Variants in GTPBP10 observed in about 807,000 individuals in gnomAD.
GTPBP10 encodes GTP binding protein 10.
A neutral mutation model predicts 44.8 loss-of-function variants in GTPBP10; 38 were observed. The ratio of observed to expected loss-of-function variants is 0.85; its 90% CI spans 0.65 to 1.11. GTPBP10 has a LOEUF of 1.11. Among genes scored for constraint, GTPBP10 ranks in the 50% most tolerant of loss-of-function variants. The pLI is 0.00. For missense variants in GTPBP10, 462 were observed against 453.7 expected (o/e 1.02, Z -0.17); for synonymous variants, 152 against 150.6 (o/e 1.01, Z -0.07).
intron 1 of GTPBP10, among the ~76,000 whole-genome samples, chr7:90,348,825 T>C (rs1426555689): frequency 6.6e-6 from 1 of 152,206 alleles, no homozygotes; most frequent in African/African-American, 2.4e-5. Flanking sequence ...GTCCATGTCA[T>C]AAAAGAAGTC....
intron 4 of GTPBP10, among the ~76,000 whole-genome samples, chr7:90,364,505 A>C (rs1562956809): frequency 1.3e-5 from 2 of 152,122 alleles, no homozygotes; most frequent in Admixed American, 6.5e-5. Context: ...GCTTCATCTC[A>C]GGGGTACCTG....
Position 90,354,468 on chromosome 7 carries a change from C to T in GTPBP10, c.238C>T (p.Leu80=). 1 of 1,566,590 alleles carries T rather than the reference C, an allele frequency of 6.4e-7. No homozygotes were observed. The highest frequency in any genetic ancestry group is 2.3e-5 in the East Asian group (1 of 43,500). ...CTTTTTTTTTGGTAGAATTAGTGCA[C>T]TGAAAGGCTCCAAAGGAAAAGACTG... The part of the protein sequence containing the change: ...GVGANSKISA[L]KGSKGKDCEI... The change falls in exon 3 of 10, where the codon CTG becomes TTG. Residue 80 remains leucine, a synonymous_variant. Transcript: ENST00000222511.
chr7:90,366,483 A>G lies in GTPBP10; in HGVS notation c.465-5672A>G, dbSNP rs4539554. On this transcript the variant is annotated intron_variant, in intron 4 of 9. Coordinates refer to ENST00000222511, the MANE Select transcript of GTPBP10 (RefSeq NM_033107.4). ...TGTTACTGGTCTATTCAGAGATTCA[A>G]ATTCTTCCTGTTTTAGTCTTGGGAG... Among the ~76,000 whole-genome samples, 1,236 of 152,218 alleles carry G rather than the reference A, an allele frequency of 8.1e-3. 16 individuals are homozygous for G. Among genetic ancestry groups the G allele is most frequent in the African/African-American group, 0.028 (1,182 of 41,536 alleles).
intron 4 of GTPBP10, among the ~76,000 whole-genome samples, chr7:90,370,650 AT>A (rs1331562782): frequency 2.6e-5 from 4 of 152,278 alleles, no homozygotes; most frequent in African/African-American, 9.6e-5. Flanking sequence ...TACACAATGT[AT>A]CCATGTAACA....
intron 8 of GTPBP10, 104 bp downstream of exon 8, chr7:90,378,315 G>A: frequency 7.6e-7 from 1 of 1,320,044 alleles, no homozygotes. Context: ...CACCTTTAAA[G>A]CTTTGATGTC....
At chr7:90,375,192 G>T (rs1796322153) in intron 6 of GTPBP10, among the ~76,000 whole-genome samples, 2 of 150,982 alleles carry the variant, frequency 1.3e-5, no homozygotes, top group Non-Finnish European at 2.9e-5. Context: ...AAGCTGTGGA[G>T]ACAGTAAAAA....
chr7:90,363,228 G>C (rs573086226), intron 4 of GTPBP10, among the ~76,000 whole-genome samples: 1 of 152,098 alleles, frequency 6.6e-6, no homozygotes, highest in Non-Finnish European at 1.5e-5. Flanking sequence ...TGTTCCTAGC[G>C]TTGGTGGTCT....
chr7:90,386,584 C>T lies in GTPBP10; in HGVS notation c.*1430C>T, dbSNP rs950335416. 1.3e-5 allele frequency: 2 copies of T among 152,048 alleles called. No homozygotes were observed. The highest frequency in any genetic ancestry group is 4.8e-5 in the African/African-American group (2 of 41,392). 9.4% of individuals were successfully genotyped at this position (152,048 alleles called of 1,614,324 possible). On this transcript the variant is annotated 3_prime_UTR_variant, in exon 10 of 10. Coordinates refer to ENST00000222511, the MANE Select transcript of GTPBP10 (RefSeq NM_033107.4). ...GTGGTGCAGGCCAGACATAGCGGTA[C>T]ATGCCTGTAATCCTAGCACTTTGGG...
intron 4 of GTPBP10, among the ~76,000 whole-genome samples, chr7:90,362,826 G>A (rs1027182992): frequency 5.3e-5 from 8 of 152,150 alleles, no homozygotes; most frequent in Admixed American, 2.0e-4. Context: ...CCTGTATTGT[G>A]TGCATATGTA....
intron 4 of GTPBP10, among the ~76,000 whole-genome samples, chr7:90,366,958 G>T (rs912473260): frequency 9.9e-5 from 15 of 152,068 alleles, no homozygotes; most frequent in Non-Finnish European, 8.8e-5. Flanking sequence ...ACTGTTTTAA[G>T]TGTGTCCCAG....
intron 4 of GTPBP10, among the ~76,000 whole-genome samples, chr7:90,358,116 C>T (rs1434996357): frequency 2.0e-5 from 3 of 152,142 alleles, no homozygotes; most frequent in Admixed American, 2.0e-4. Flanking sequence ...ATACACAAAT[C>T]AATAGCACTG....
At chr7:90,378,552 C>T (rs923392826) in intron 8 of GTPBP10, among the ~76,000 whole-genome samples, 1 of 152,148 alleles carries the variant, frequency 6.6e-6, no homozygotes, top group Non-Finnish European at 1.5e-5. Context: ...CACTATTTCT[C>T]CGTCTACTTT....
In GTPBP10 at chr7:90,386,076, CT is replaced by C. The variant is rs1473891232; in HGVS notation, c.*923del. On this transcript the variant is annotated 3_prime_UTR_variant, in exon 10 of 10. Coordinates refer to ENST00000222511, the MANE Select transcript of GTPBP10 (RefSeq NM_033107.4). ...ACTCCATCTCAAAAAAAAAAAAGAG[CT>C]AAAAAATTACATTTTACAAGTTTAT... 7 of 151,584 alleles carry C rather than the reference CT, an allele frequency of 4.6e-5. No individual in the cohort carries two copies. The highest frequency in any genetic ancestry group is 1.0e-4 in the Non-Finnish European group (7 of 67,860). The allele number at this position is 151,584 out of a possible 1,614,324, so 9.4% of individuals were successfully genotyped here.
At chr7:90,376,956 G>A (rs2115746007) in intron 6 of GTPBP10, among the ~76,000 whole-genome samples, 1 of 152,296 alleles carries the variant, frequency 6.6e-6, no homozygotes, top group South Asian at 2.1e-4. Context: ...TAGTGTGGTG[G>A]CTCACGCCTG....
intron 4 of GTPBP10, chr7:90,371,186 C>T (rs1472373123): frequency 2.1e-6 from 2 of 974,722 alleles, no homozygotes. Context: ...CTATGAATTC[C>T]ACCACCCAGA....
At position 90,385,965 on chromosome 7, in the gene GTPBP10, CAGG is replaced by C. The variant is rs1562962463; in HGVS notation, c.*814_*816del. The C allele has an allele frequency of 1.3e-5, 2 of 151,860 alleles. No individual in the cohort carries two copies. The highest frequency in any genetic ancestry group is 6.6e-5 in the Admixed American group (1 of 15,222). The allele number at this position is 151,860 out of a possible 1,614,324, so 9.4% of individuals were successfully genotyped here. The stretch of plus-strand genomic sequence containing the variant: ...GCCCCAGCTACTCAAGAGGCTGAGG[CAGG>C]AGAATTGCTTGAACGCGGGAGGTGG... On this transcript the variant is annotated 3_prime_UTR_variant, in exon 10 of 10. Coordinates refer to ENST00000222511, the MANE Select transcript of GTPBP10 (RefSeq NM_033107.4).
intron 4 of GTPBP10, among the ~76,000 whole-genome samples, chr7:90,362,581 G>A (rs190066122): frequency 2.6e-5 from 4 of 152,286 alleles, no homozygotes; most frequent in East Asian, 1.9e-4. Flanking sequence ...ATTAAGTGCG[G>A]TGTGGTGCTG....
chr7:90,364,113 C>G (rs1796083830), intron 4 of GTPBP10, among the ~76,000 whole-genome samples: 2 of 152,244 alleles, frequency 1.3e-5, no homozygotes, highest in African/African-American at 4.8e-5. Flanking sequence ...TTCTGATCAT[C>G]TGAAGCCTTC....
rs1021861679 is a variant in GTPBP10, at chr7:90,386,198, A to G, written c.*1044A>G. Reference sequence around the variant, plus strand: ...AAATTTATGTGGAAGGATTCTCTAGATTATTATTAGAATGAGCAATTCAGT... The same window carrying G: ...AAATTTATGTGGAAGGATTCTCTAGGTTATTATTAGAATGAGCAATTCAGT... On this transcript the variant is annotated 3_prime_UTR_variant, in exon 10 of 10. Transcript: ENST00000222511. 2.0e-5 allele frequency: 3 copies of G among 152,130 alleles called. No homozygotes were observed. Among genetic ancestry groups the G allele is most frequent in the East Asian group, 1.9e-4 (1 of 5,198 alleles). 9.4% of individuals were successfully genotyped at this position (152,130 alleles called of 1,614,324 possible).
Sources: gnomAD v4.1 joint callset for allele counts (sites outside exome capture counted in the v4.1 genomes callset) on GRCh38, gnomAD v4.1.1 for gene constraint, MANE v1.5 for transcripts, NCBI Gene and HGNC (gene_info 2026-07-23, HGNC 2026-07-21) for gene names.